SMAD2: variants seen among roughly 807,000 people sequenced by gnomAD.
SMAD2 encodes SMAD family member 2, also known as MAD homolog 2.
SMAD2 carries 8 observed loss-of-function variants against 64.4 expected under a neutral mutation model. The ratio of observed to expected loss-of-function variants is 0.12; its 90% CI spans 0.07 to 0.22. The LOEUF (loss-of-function observed/expected upper bound fraction) is 0.22, where lower values mean the gene tolerates loss of function less well. Among genes scored for constraint, SMAD2 ranks in the 10% least tolerant of loss-of-function variants. The pLI, the probability that SMAD2 is intolerant of heterozygous loss-of-function variation, is 1.00. For synonymous variants in SMAD2, 203 were observed against 195.8 expected, an observed-to-expected ratio of 1.04 and a Z score of -0.31; for missense variants, 289 against 561.2, an observed-to-expected ratio of 0.51 and a Z score of 4.90.
At chr18:47,903,871 C>CAG (rs1402073752) in intron 1 of SMAD2, among the ~76,000 whole-genome samples, 2,403 of 33,794 alleles carry the variant, frequency 0.071, 428 homozygotes, top group Non-Finnish European at 0.097. Context: ...AGGGAAAAAA[C>CAG]AGTGTGGGGG....
At position 47,838,017 on chromosome 18, in the gene SMAD2, G is replaced by A. The variant is rs1282545066; in HGVS notation, c.*3810C>T. The A allele has an allele frequency of 1.3e-5, 3 of 232,608 alleles. No individual in the cohort carries two copies. Among genetic ancestry groups the A allele is most frequent in the Non-Finnish European group, 2.6e-5 (3 of 117,492 alleles). 14.4% of individuals were successfully genotyped at this position (232,608 alleles called of 1,614,324 possible). A position where few individuals can be genotyped will look rare whatever the true frequency, so the allele number is the denominator to read the frequency against. ...TTTAGTAGTTAAAGAAAAAAGAGAAGGATCTTAAAGGTATATATGGGAAGC... is the reference window on the plus strand; with the variant it reads ...TTTAGTAGTTAAAGAAAAAAGAGAAAGATCTTAAAGGTATATATGGGAAGC... On this transcript the variant is annotated 3_prime_UTR_variant, in exon 11 of 11. Transcript: ENST00000262160.
At chr18:47,914,971 G>A (rs903137755) in intron 1 of SMAD2, among the ~76,000 whole-genome samples, 1 of 152,028 alleles carries the variant, frequency 6.6e-6, no homozygotes, top group Non-Finnish European at 1.5e-5. Flanking sequence ...CTATTGATAA[G>A]TTGCATATTT....
chr18:47,882,177 C>A (rs1443482649), intron 2 of SMAD2, among the ~76,000 whole-genome samples: 1 of 150,742 alleles, frequency 6.6e-6, no homozygotes, highest in African/African-American at 2.4e-5. Flanking sequence ...TAAGCCATCG[C>A]ATCTGACCTG....
chr18:47,919,519 C>CACAA (rs1555665366), intron 1 of SMAD2, among the ~76,000 whole-genome samples: 7 of 110,304 alleles, frequency 6.3e-5, no homozygotes, highest in Admixed American at 9.8e-5. Flanking sequence ...CACACACACA[C>CACAA]AAAGAATAGG....
rs1038150658 is a variant in SMAD2, at chr18:47,822,992, T to C, written c.*18835A>G. On this transcript the variant is annotated 3_prime_UTR_variant, in exon 11 of 11. Transcript: ENST00000262160. ...GGCATGAGCCACTGTGCCCAGCCTATTTGTGAGTACTCTTAAGGCAATATG... is the reference window on the plus strand; with the variant it reads ...GGCATGAGCCACTGTGCCCAGCCTACTTGTGAGTACTCTTAAGGCAATATG... 1.6e-4 allele frequency: 24 copies of C among 152,214 alleles called. No homozygotes were observed. Among genetic ancestry groups the C allele is most frequent in the African/African-American group, 5.5e-4 (23 of 41,446 alleles). The allele number at this position is 152,214 out of a possible 1,614,324, so 9.4% of individuals were successfully genotyped here.
intron 1 of SMAD2, among the ~76,000 whole-genome samples, chr18:47,904,116 T>A (rs907478025): frequency 6.6e-6 from 1 of 151,622 alleles, no homozygotes; most frequent in Non-Finnish European, 1.5e-5. Flanking sequence ...ACAGTTAAAA[T>A]CCCTGGGAGT....
Position 47,830,419 on chromosome 18 carries a change from A to C in SMAD2, c.*11408T>G, listed in dbSNP as rs1912939627. 1 of 151,962 alleles carries C rather than the reference A, an allele frequency of 6.6e-6. No homozygotes were observed. The highest frequency in any genetic ancestry group is 1.5e-5 in the Non-Finnish European group (1 of 68,012). 9.4% of individuals were successfully genotyped at this position (151,962 alleles called of 1,614,324 possible). ...TGGTGAAACCCTGTCTCCACTAAAA[A>C]TACAAAAAGTAGTTGGGCGTGGTGG... On this transcript the variant is annotated 3_prime_UTR_variant, in exon 11 of 11. Coordinates refer to ENST00000262160, the MANE Select transcript of SMAD2 (RefSeq NM_005901.6).
chr18:47,919,457 C>CA (rs528384045), intron 1 of SMAD2, among the ~76,000 whole-genome samples: 2 of 134,246 alleles, frequency 1.5e-5, no homozygotes, highest in African/African-American at 2.9e-5. Context: ...GACCTTGTCT[C>CA]AAAAAAAAAA....
Position 47,857,268 on chromosome 18 carries a change from TACA to T in SMAD2, c.731-5944_731-5942del, listed in dbSNP as rs543638618. Among the ~76,000 whole-genome samples, 250 of 152,360 alleles carry T rather than the reference TACA, an allele frequency of 1.6e-3. 1 individual carries two copies. Among genetic ancestry groups the T allele is most frequent in the Admixed American group, 3.3e-3 (51 of 15,308 alleles). ...AGATTAAGCTTCCCTGCCAAAGTGATACAACATTATAATCATCAAATTCAGCTT... is the reference window on the plus strand; with the variant it reads ...AGATTAAGCTTCCCTGCCAAAGTGATACATTATAATCATCAAATTCAGCTT... On this transcript the variant is annotated intron_variant, in intron 6 of 10. Coordinates refer to ENST00000262160, the MANE Select transcript of SMAD2 (RefSeq NM_005901.6).
intron 2 of SMAD2, among the ~76,000 whole-genome samples, chr18:47,873,512 G>A (rs184842774): frequency 6.6e-6 from 1 of 152,132 alleles, no homozygotes; most frequent in East Asian, 1.9e-4. Context: ...AAATAGTAAA[G>A]ACCTGTCCTA....
chr18:47,826,974 T>C lies in SMAD2; in HGVS notation c.*14853A>G, dbSNP rs1912776062. ...CTGGAGGAAATGAAGAACTTTAAGG[T>C]AGACTGATGAAAAGATTTATCTAAA... On this transcript the variant is annotated 3_prime_UTR_variant, in exon 11 of 11. Coordinates refer to ENST00000262160, the MANE Select transcript of SMAD2 (RefSeq NM_005901.6). 1 of 152,164 alleles carries C rather than the reference T, an allele frequency of 6.6e-6. No homozygotes were observed. Among genetic ancestry groups the C allele is most frequent in the Non-Finnish European group, 1.5e-5 (1 of 68,030 alleles). 9.4% of individuals were successfully genotyped at this position (152,164 alleles called of 1,614,324 possible).
intron 1 of SMAD2, among the ~76,000 whole-genome samples, chr18:47,926,672 C>A (rs550236253): frequency 6.6e-6 from 1 of 152,218 alleles, no homozygotes; most frequent in African/African-American, 2.4e-5. Flanking sequence ...AAGCTTTAAG[C>A]TATGGACTGG....
At chr18:47,877,458 A>C (rs1391456288) in intron 2 of SMAD2, among the ~76,000 whole-genome samples, 1 of 152,164 alleles carries the variant, frequency 6.6e-6, no homozygotes, top group African/African-American at 2.4e-5. Flanking sequence ...TGAAGAGTTA[A>C]TCACTGTAAT....
At chr18:47,927,652 C>A (rs2034818728) in intron 1 of SMAD2, among the ~76,000 whole-genome samples, 1 of 152,222 alleles carries the variant, frequency 6.6e-6, no homozygotes, top group Non-Finnish European at 1.5e-5. Context: ...GTAATCCCAG[C>A]ACTTTGGGAG....
At chr18:47,867,642 G>A (rs1465582523) in intron 5 of SMAD2, among the ~76,000 whole-genome samples, 3 of 144,512 alleles carry the variant, frequency 2.1e-5, no homozygotes, top group African/African-American at 7.6e-5. Context: ...AAGTAACAAA[G>A]TATTAGTTGT....
At chr18:47,849,038 T>C (rs1914816039) in intron 7 of SMAD2, among the ~76,000 whole-genome samples, 2 of 152,154 alleles carry the variant, frequency 1.3e-5, no homozygotes, top group Admixed American at 1.3e-4. Context: ...ACTTGGTGCA[T>C]TTCTAAAGCA....
In SMAD2 at chr18:47,824,379, T is replaced by C. The variant is rs1295814437; in HGVS notation, c.*17448A>G. 2.6e-5 allele frequency: 4 copies of C among 152,234 alleles called. No individual in the cohort carries two copies. The highest frequency in any genetic ancestry group is 7.2e-5 in the African/African-American group (3 of 41,458). The allele number at this position is 152,234 out of a possible 1,614,324, so 9.4% of individuals were successfully genotyped here. A position where few individuals can be genotyped will look rare whatever the true frequency, so the allele number is the denominator to read the frequency against. On this transcript the variant is annotated 3_prime_UTR_variant, in exon 11 of 11. Coordinates refer to ENST00000262160, the MANE Select transcript of SMAD2 (RefSeq NM_005901.6). The stretch of plus-strand genomic sequence containing the variant: ...TTTGGGACATCTGCCTAGAAGCCGA[T>C]TGTCCAAACCCGAACTGGCAGCATC...
At chr18:47,895,497 G>T (rs1372534324) in intron 2 of SMAD2, 3 of 152,190 alleles carry the variant, frequency 2.0e-5, no homozygotes, top group African/African-American at 7.2e-5. Flanking sequence ...AGGAAGGCAG[G>T]AGTTTTGTGT....
At position 47,836,046 on chromosome 18, in the gene SMAD2, G is replaced by T; in HGVS notation, c.*5781C>A. ...TTCTGGATTCATTATGGATCTCATG[G>T]CACCAAACCAACTGGCACTGAAGTT... On this transcript the variant is annotated 3_prime_UTR_variant, in exon 11 of 11. Transcript: ENST00000262160. 4.7e-6 allele frequency: 1 copy of T among 214,156 alleles called. No individual in the cohort carries two copies. Among genetic ancestry groups the T allele is most frequent in the Non-Finnish European group, 9.4e-6 (1 of 106,018 alleles). 13.3% of individuals were successfully genotyped at this position (214,156 alleles called of 1,614,324 possible). A position where few individuals can be genotyped will look rare whatever the true frequency, so the allele number is the denominator to read the frequency against.
Sources: allele counts gnomAD v4.1 joint callset (sites outside exome capture counted in the v4.1 genomes callset), GRCh38; gene constraint gnomAD v4.1.1; transcripts MANE v1.5; gene names NCBI Gene and HGNC (gene_info 2026-07-23, HGNC 2026-07-21).